Variants in USH2A observed in about 807,000 individuals in gnomAD.
The protein encoded by USH2A is usherin, also known as Usher syndrome 2A (autosomal recessive, mild).
In USH2A, 443 loss-of-function variants were observed where a neutral mutation model predicts 538.9. The observed-to-expected ratio is 0.82, with a 90% confidence interval of 0.76 to 0.89. USH2A has a LOEUF of 0.89. Ranked by LOEUF, USH2A falls within the 40% of genes least tolerant of loss-of-function variation. The pLI, the probability that USH2A is intolerant of heterozygous loss-of-function variation, is 0.00. For synonymous variants in USH2A, 2,413 were observed against 2,273.5 expected (o/e 1.06, Z -1.75); for missense variants, 6,633 against 6,324.8 (o/e 1.05, Z -1.65).
chr1:216,152,041 T>G (rs1253072355), intron 21 of USH2A, among the ~76,000 whole-genome samples: 1 of 152,088 alleles, frequency 6.6e-6, no homozygotes, highest in East Asian at 1.9e-4. Context: ...AGACCTCCCT[T>G]CAGCTTAATC....
Position 216,389,486 on chromosome 1 carries a change from C to A in USH2A, c.652-24401G>T, listed in dbSNP as rs192204740. Among the ~76,000 whole-genome samples the A allele has an allele frequency of 5.0e-3, 754 of 152,174 alleles. 10 individuals are homozygous for A. Among genetic ancestry groups the A allele is most frequent in the African/African-American group, 0.017 (717 of 41,526 alleles). ...ATTTCTTCCAGAGAAATTAACTAAG[C>A]AAGATTTTTCTAATTAAAATAAAAC... On this transcript the variant is annotated intron_variant, in intron 3 of 71. Coordinates refer to ENST00000307340, the MANE Select transcript of USH2A (RefSeq NM_206933.4).
chr1:215,951,473 A>T (rs1036009257), intron 37 of USH2A, among the ~76,000 whole-genome samples: 2 of 152,194 alleles, frequency 1.3e-5, no homozygotes, highest in African/African-American at 4.8e-5. Context: ...TTTACTTCCA[A>T]CTATGTGGTC....
chr1:216,204,100 G>C (rs1425013998), intron 16 of USH2A: 1 of 155,212 alleles, frequency 6.4e-6, no homozygotes, highest in Non-Finnish European at 1.5e-5. Context: ...AATTTGATCT[G>C]CCTACTATGT....
At chr1:216,023,132 T>C (rs1367773047) in intron 32 of USH2A, among the ~76,000 whole-genome samples, 1 of 152,090 alleles carries the variant, frequency 6.6e-6, no homozygotes, top group East Asian at 1.9e-4. Context: ...TATTTGTACA[T>C]TCAGATTAAT....
intron 45 of USH2A, 35 bp from the exon 46 acceptor site, chr1:215,844,531 C>G: frequency 1.3e-6 from 2 of 1,598,364 alleles, no homozygotes; most frequent in Non-Finnish European, 1.7e-6. Flanking sequence ...TAAACTCCAG[C>G]TGTCTCTGAA....
chr1:215,796,885 TTC>T lies in USH2A; in HGVS notation c.9958+2020_9958+2021del, dbSNP rs1386140659. On this transcript the variant is annotated intron_variant, in intron 50 of 71. Coordinates refer to ENST00000307340, the MANE Select transcript of USH2A (RefSeq NM_206933.4). Reference sequence around the variant, plus strand: ...CTTCCTCCCACACCTTCAACAGACCTTCTTCTCTTTTCTGTACCATTCCTTCT... The same window carrying T: ...CTTCCTCCCACACCTTCAACAGACCTTTCTCTTTTCTGTACCATTCCTTCT... Among the ~76,000 whole-genome samples the T allele has an allele frequency of 1.2e-4, 18 of 152,182 alleles. No homozygotes were observed. In the South Asian group the frequency reaches 1.9e-3, roughly 16 times the overall value.
chr1:215,747,408 G>A (rs1045984437), intron 58 of USH2A, among the ~76,000 whole-genome samples: 1 of 151,890 alleles, frequency 6.6e-6, no homozygotes, highest in Admixed American at 6.6e-5. Context: ...GCTATTCTTC[G>A]AGGCCTAATT....
chr1:216,099,596 T>C (rs1279108508), intron 21 of USH2A, among the ~76,000 whole-genome samples: 1 of 152,026 alleles, frequency 6.6e-6, no homozygotes. Flanking sequence ...AAGAGGTGAG[T>C]GCTGTGCTTT....
intron 25 of USH2A, among the ~76,000 whole-genome samples, chr1:216,084,337 AC>A (rs2032051881): frequency 6.6e-6 from 1 of 152,102 alleles, no homozygotes; most frequent in South Asian, 2.1e-4. Context: ...TTGTGGATTA[AC>A]CTAGTAAACA....
intron 3 of USH2A, among the ~76,000 whole-genome samples, chr1:216,383,489 A>G (rs1443213117): frequency 2.0e-5 from 3 of 152,232 alleles, no homozygotes; most frequent in African/African-American, 4.8e-5. Flanking sequence ...ATATCATTTT[A>G]CTATAATGAT....
chr1:216,022,827 C>T (rs1425902461), intron 32 of USH2A, among the ~76,000 whole-genome samples: 1 of 152,108 alleles, frequency 6.6e-6, no homozygotes, highest in East Asian at 1.9e-4. Flanking sequence ...AAAACTATTC[C>T]ACCTGGCACA....
At chr1:216,175,926 T>C (rs1175439028) in intron 20 of USH2A, among the ~76,000 whole-genome samples, 1 of 152,074 alleles carries the variant, frequency 6.6e-6, no homozygotes, top group Non-Finnish European at 1.5e-5. Context: ...AAGAGCTGCC[T>C]CACCCAGGAG....
chr1:216,223,367 T>C (rs1215758592), intron 14 of USH2A, among the ~76,000 whole-genome samples: 2 of 152,182 alleles, frequency 1.3e-5, no homozygotes, highest in African/African-American at 4.8e-5. Context: ...AATATATAGT[T>C]TGGCAGCCAT....
rs547972601 is a variant in USH2A at position 216,021,933 on chromosome 1, T to C, written c.6326-21371A>G. Among the ~76,000 whole-genome samples the C allele has an allele frequency of 1.8e-4, 28 of 152,248 alleles. No individual in the cohort carries two copies. The South Asian group carries it at 5.8e-3, about 32-fold the overall frequency. ...TGTTTGGATCTTGGGGTCAGATCCC[T>C]CATGAGTGGCTTGGCATCATTCTCA... On this transcript the variant is annotated intron_variant, in intron 32 of 71. Coordinates refer to ENST00000307340, the MANE Select transcript of USH2A (RefSeq NM_206933.4).
chr1:216,087,995 C>A (rs2032188065), intron 23 of USH2A, among the ~76,000 whole-genome samples: 1 of 152,160 alleles, frequency 6.6e-6, no homozygotes, highest in African/African-American at 2.4e-5. Flanking sequence ...CCCACAAGGT[C>A]CCATATAATC....
intron 21 of USH2A, among the ~76,000 whole-genome samples, chr1:216,143,415 T>C (rs1246580937): frequency 1.3e-5 from 2 of 152,164 alleles, no homozygotes; most frequent in African/African-American, 4.8e-5. Flanking sequence ...TTCATAACTA[T>C]TAGGTGATTA....
At chr1:216,245,844 C>T (rs1213011995) in intron 13 of USH2A, among the ~76,000 whole-genome samples, 2 of 152,166 alleles carry the variant, frequency 1.3e-5, no homozygotes, top group African/African-American at 4.8e-5. Flanking sequence ...GTATCATGCT[C>T]ATTTTTATAG....
intron 13 of USH2A, among the ~76,000 whole-genome samples, chr1:216,237,095 G>A (rs937773176): frequency 6.6e-6 from 1 of 152,004 alleles, no homozygotes; most frequent in Non-Finnish European, 1.5e-5. Context: ...ATGCTCTAAA[G>A]CCTGTCTCCT....
intron 13 of USH2A, among the ~76,000 whole-genome samples, chr1:216,237,141 A>T (rs1216031829): frequency 6.6e-6 from 1 of 152,072 alleles, no homozygotes; most frequent in Admixed American, 6.6e-5. Context: ...TTCTCCAACT[A>T]AGTTCTCGGA....
Sources: allele counts gnomAD v4.1 joint callset (sites outside exome capture counted in the v4.1 genomes callset), GRCh38; gene constraint gnomAD v4.1.1; transcripts MANE v1.5; gene names NCBI Gene and HGNC (gene_info 2026-07-23, HGNC 2026-07-21).